C2CD3: variants seen among roughly 807,000 people sequenced by gnomAD.
C2CD3 encodes C2 domain-containing protein 3.
C2CD3 carries 148 observed loss-of-function variants against 234.0 expected under a neutral mutation model. The ratio of observed to expected loss-of-function variants is 0.63; its 90% CI spans 0.55 to 0.72. The LOEUF (loss-of-function observed/expected upper bound fraction) is 0.72, where lower values mean the gene tolerates loss of function less well. Among genes scored for constraint, C2CD3 ranks in the 30% least tolerant of loss-of-function variants. The pLI, the probability that C2CD3 is intolerant of heterozygous loss-of-function variation, is 0.00. For synonymous variants in C2CD3, 1,000 were observed against 1,035.4 expected (o/e 0.97, Z 0.66); for missense variants, 2,577 against 2,811.5 (o/e 0.92, Z 1.89).
chr11:74,095,496 A>T (rs1049748497), intron 16 of C2CD3, 88 bp from the exon 17 acceptor site: 5 of 995,272 alleles, frequency 5.0e-6, no homozygotes, highest in African/African-American at 1.6e-5. Context: ...GAGTATAGAT[A>T]AAGAGATAAG....
chr11:74,057,883 T>C (rs911083226), intron 24 of C2CD3, among the ~76,000 whole-genome samples: 7 of 152,138 alleles, frequency 4.6e-5, no homozygotes, highest in African/African-American at 1.7e-4. Flanking sequence ...CTCTTGAGTC[T>C]GGGAGGCAGA....
In C2CD3 at chr11:74,113,846, C is replaced by T. The variant is rs531608642; in HGVS notation, c.1777G>A (p.Gly593Arg). 126 of 1,607,656 alleles carry T rather than the reference C, an allele frequency of 7.8e-5. No homozygotes were observed. In the South Asian group the frequency reaches 1.3e-3, roughly 16 times the overall value. ...GTGATCAAAGCTGTCTTTCCCAATC[C>T]GCTTTCCGAAAAGCCCACAGGAAAG... ...YHFPVGFSES[G>R]LGKTALITEV... is the part of the protein sequence containing the mutation. Residue 593 changes from glycine to arginine, a missense_variant, in exon 11 of 33, where the codon GGA (glycine) becomes AGA (arginine). Coordinates refer to ENST00000334126, the MANE Select transcript of C2CD3 (RefSeq NM_001286577.2).
intron 7 of C2CD3, among the ~76,000 whole-genome samples, 157 bp downstream of exon 7, chr11:74,132,687 G>C (rs1957713974): frequency 6.6e-6 from 1 of 152,232 alleles, no homozygotes; most frequent in Non-Finnish European, 1.5e-5. Flanking sequence ...CTAAAGTATG[G>C]AGTTTTATTT....
intron 1 of C2CD3, among the ~76,000 whole-genome samples, chr11:74,170,140 C>G (rs1009414260): frequency 2.0e-5 from 3 of 152,142 alleles, no homozygotes; most frequent in African/African-American, 7.2e-5. Flanking sequence ...CTTTCATGAT[C>G]TCAGGTCCTT....
chr11:74,050,057 C>A (rs946468614), intron 26 of C2CD3, among the ~76,000 whole-genome samples: 1 of 152,070 alleles, frequency 6.6e-6, no homozygotes, highest in African/African-American at 2.4e-5. Context: ...TGGGATTACA[C>A]ATGTAAGCCA....
chr11:74,109,142 G>A lies in C2CD3; in HGVS notation c.1854C>T (p.Phe618=). 1.9e-6 allele frequency: 3 copies of A among 1,563,694 alleles called. No individual in the cohort carries two copies. The highest frequency in any genetic ancestry group is 2.6e-6 in the Non-Finnish European group (3 of 1,153,878). ...GTACTGGAAACACAAATCGCTGCTG[G>A]AACTTCACCTCTGTAAGGAGAACCA... ...SSKITDGKVK[F]QQRFVFPVQF... is the part of the protein sequence containing the mutation. The change falls in exon 12 of 33, where the codon TTC becomes TTT. Residue 618 remains phenylalanine, a synonymous_variant. Coordinates refer to ENST00000334126, the MANE Select transcript of C2CD3 (RefSeq NM_001286577.2).
intron 8 of C2CD3, among the ~76,000 whole-genome samples, chr11:74,119,993 G>A (rs1405786634): frequency 6.6e-6 from 1 of 152,072 alleles, no homozygotes; most frequent in East Asian, 1.9e-4. Context: ...TATCCTTTGA[G>A]TGGCAGCTTT....
At chr11:74,154,164 T>C (rs1209083454) in intron 3 of C2CD3, among the ~76,000 whole-genome samples, 6 of 152,078 alleles carry the variant, frequency 3.9e-5, no homozygotes, top group African/African-American at 1.4e-4. Flanking sequence ...TAGGGGAAGA[T>C]TTCTTAGGTA....
At chr11:74,148,164 G>C (rs999824373) in intron 3 of C2CD3, among the ~76,000 whole-genome samples, 6 of 152,172 alleles carry the variant, frequency 3.9e-5, no homozygotes, top group Middle Eastern at 3.5e-3. Context: ...GTTAAGATCT[G>C]TTATGAAACT....
intron 24 of C2CD3, among the ~76,000 whole-genome samples, chr11:74,068,276 A>C (rs1326335721): frequency 6.6e-6 from 1 of 152,164 alleles, no homozygotes; most frequent in African/African-American, 2.4e-5. Flanking sequence ...AGCTTCAACT[A>C]ATTTCTTCCA....
In C2CD3 at chr11:74,161,396, T is replaced by C. The variant is rs1208583804; in HGVS notation, c.483+3A>G. Reference sequence around the variant, plus strand: ...GCAGCAAATAATTAAAATATATTTTTACCTGGAGTTCTCCAAGTTTCTTAG... The same window carrying C: ...GCAGCAAATAATTAAAATATATTTTCACCTGGAGTTCTCCAAGTTTCTTAG... On this transcript the variant is annotated splice_donor_region_variant and intron_variant, in intron 3 of 32. Transcript: ENST00000334126. 1.3e-6 allele frequency: 2 copies of C among 1,546,254 alleles called. No individual in the cohort carries two copies. The highest frequency in any genetic ancestry group is 1.8e-6 in the Non-Finnish European group (2 of 1,142,756).
In C2CD3 at chr11:74,103,186, A is replaced by T; in HGVS notation, c.2525T>A (p.Val842Asp). Residue 842 changes from valine (V) to aspartate (D), a missense_variant, in exon 14 of 33, where the codon GTC (valine) becomes GAC (aspartate). Physicochemically the swap from Val to Asp is radical, Grantham distance 152. Coordinates refer to ENST00000334126, the MANE Select transcript of C2CD3 (RefSeq NM_001286577.2). Reference sequence around the variant, plus strand: ...GCCCCATGCGATGACAGATCTGGTGACTTCCTCTGTGCTGAAGAGTTTACA... The same window carrying T: ...GCCCCATGCGATGACAGATCTGGTGTCTTCCTCTGTGCTGAAGAGTTTACA... ...LNCKLFSTEEVTRSVIAWGTT... is the reference protein window; with the variant it reads ...LNCKLFSTEEDTRSVIAWGTT... 1 of 1,614,162 alleles carries T rather than the reference A, an allele frequency of 6.2e-7. No homozygotes were observed.
chr11:74,016,534 G>A (rs1951885389), intron 32 of C2CD3: 1 of 152,394 alleles, frequency 6.6e-6, no homozygotes. Context: ...TCAGAACAAG[G>A]ACAAGGACAG....
At chr11:74,094,993 A>AT (rs1285037700) in intron 17 of C2CD3, among the ~76,000 whole-genome samples, 4 of 152,182 alleles carry the variant, frequency 2.6e-5, no homozygotes, top group African/African-American at 9.7e-5. Flanking sequence ...GGTAAAGAGT[A>AT]TACCAAAGTT....
At chr11:74,091,934 A>G (rs1159879195) in intron 19 of C2CD3, among the ~76,000 whole-genome samples, 1 of 152,146 alleles carries the variant, frequency 6.6e-6, no homozygotes, top group Non-Finnish European at 1.5e-5. Flanking sequence ...TACAGTTTTC[A>G]TCAGATCCTC....
chr11:74,098,094 A>T lies in C2CD3; in HGVS notation c.2894T>A (p.Leu965Ter). The T allele has an allele frequency of 1.2e-6, 2 of 1,614,028 alleles. No homozygotes were observed. The highest frequency in any genetic ancestry group is 1.3e-5 in the African/African-American group (1 of 75,032). The change falls in exon 16 of 33, where the codon TTA becomes TAA. Residue 965 changes from leucine (L) to a stop codon, truncating the protein, a stop_gained. Transcript: ENST00000334126. LOFTEE classifies it high-confidence loss of function. ...AGGGAGTGTTCCTTCTTCATTCTTT[A>T]ATCTTTGTAGTGCCATTATTTGATT... The part of the protein sequence containing the change: ...SSNQIMALQR[L>*]KNEEGTLPPF...
In C2CD3 at chr11:74,168,411, T is replaced by G. The variant is rs547911655; in HGVS notation, c.258A>C (p.Lys86Asn). ...CPRDALQTEP[K>N]AVRTTTRYAI... The stretch of plus-strand genomic sequence containing the variant: ...CGTAACGTGTAGTTGTTCTCACAGC[T>G]TTTGGTTCAGTCTGCAATGCATCCC... Residue 86 changes from lysine (K) to asparagine (N), a missense_variant, in exon 2 of 33, where the codon AAA (lysine) becomes AAC (asparagine). Coordinates refer to ENST00000334126, the MANE Select transcript of C2CD3 (RefSeq NM_001286577.2). 27 of 1,614,046 alleles carry G rather than the reference T, an allele frequency of 1.7e-5. No homozygotes were observed. In the Admixed American group the frequency reaches 3.3e-4, roughly 20 times the overall value.
chr11:74,073,007 G>T (rs1565256443), intron 24 of C2CD3, among the ~76,000 whole-genome samples: 1 of 152,134 alleles, frequency 6.6e-6, no homozygotes, highest in Non-Finnish European at 1.5e-5. Context: ...TCTGAAGAGA[G>T]GAGCTGGAAG....
At chr11:74,116,115 T>TA in intron 9 of C2CD3, among the ~76,000 whole-genome samples, 1 of 152,088 alleles carries the variant, frequency 6.6e-6, no homozygotes, top group South Asian at 2.1e-4. Flanking sequence ...AAAACAAAGA[T>TA]AAATAGATGG....
Sources: gnomAD v4.1 joint callset for allele counts (sites outside exome capture counted in the v4.1 genomes callset) on GRCh38, gnomAD v4.1.1 for gene constraint, MANE v1.5 for transcripts, NCBI Gene and HGNC (gene_info 2026-07-23, HGNC 2026-07-21) for gene names.